VCL: variants seen among roughly 807,000 people sequenced by gnomAD.
VCL encodes vinculin.
A neutral mutation model predicts 125.7 loss-of-function variants in VCL; 47 were observed. The ratio of observed to expected loss-of-function variants is 0.37; its 90% CI spans 0.30 to 0.48. The LOEUF (loss-of-function observed/expected upper bound fraction) is 0.48. Among genes scored for constraint, VCL ranks in the 20% least tolerant of loss-of-function variants. The probability of loss-of-function intolerance (pLI) is 0.99; values close to 1 mark genes in which losing one functional copy is unlikely to be tolerated. For synonymous variants in VCL, 458 were observed against 514.6 expected, an observed-to-expected ratio of 0.89 and a Z score of 1.49; for missense variants, 1,069 against 1,455.5, an observed-to-expected ratio of 0.73 and a Z score of 4.32.
At chr10:74,052,946 AAT>A (rs71021589) in intron 2 of VCL, among the ~76,000 whole-genome samples, 3,154 of 99,768 alleles carry the variant, frequency 0.032, 39 homozygotes, top group Middle Eastern at 0.064. Context: ...GAAAAAAAAA[AAT>A]ATATATATAT....
At chr10:73,999,094 G>A (rs1249762061) in intron 1 of VCL, among the ~76,000 whole-genome samples, 2 of 152,188 alleles carry the variant, frequency 1.3e-5, no homozygotes, top group East Asian at 3.8e-4. Flanking sequence ...GCTCAGCCCT[G>A]CTGCCCTTCC....
At chr10:74,113,954 C>G (rs564017983) in intron 19 of VCL, among the ~76,000 whole-genome samples, 2 of 152,268 alleles carry the variant, frequency 1.3e-5, no homozygotes, top group South Asian at 4.1e-4. Context: ...CCTCCTCTCT[C>G]CTCTCTCTTT....
At chr10:74,045,081 G>A (rs940901146) in intron 2 of VCL, among the ~76,000 whole-genome samples, 1 of 152,042 alleles carries the variant, frequency 6.6e-6, no homozygotes, top group Admixed American at 6.6e-5. Flanking sequence ...TGAAGTGGGA[G>A]GATCACCTGA....
At chr10:74,024,611 CA>C (rs34086598) in intron 1 of VCL, among the ~76,000 whole-genome samples, 83,870 of 141,838 alleles carry the variant, frequency 0.59, 24,492 homozygotes, top group Admixed American at 0.66. Flanking sequence ...CACTCCATCT[CA>C]AAAAAAAAAA....
At chr10:74,021,060 G>A (rs1321323091) in intron 1 of VCL, among the ~76,000 whole-genome samples, 1 of 151,954 alleles carries the variant, frequency 6.6e-6, no homozygotes, top group African/African-American at 2.4e-5. Flanking sequence ...AATAAGTTCC[G>A]TATTTCCCCT....
At chr10:74,066,570 A>G (rs1841574443) in intron 2 of VCL, among the ~76,000 whole-genome samples, 1 of 152,174 alleles carries the variant, frequency 6.6e-6, no homozygotes, top group African/African-American at 2.4e-5. Flanking sequence ...GAAAATCAAG[A>G]AAATAATTAA....
chr10:74,032,293 T>C (rs976554317), intron 1 of VCL, among the ~76,000 whole-genome samples: 1 of 149,590 alleles, frequency 6.7e-6, no homozygotes, highest in African/African-American at 2.5e-5. Flanking sequence ...ATTTTAGTCT[T>C]AAATTGGCCT....
At chr10:74,093,698 C>A (rs149690326) in intron 10 of VCL, among the ~76,000 whole-genome samples, 1,648 of 152,052 alleles carry the variant, frequency 0.011, 11 homozygotes, top group Non-Finnish European at 0.015. Context: ...ACCTGAAAGG[C>A]TGAGGCAGGA....
chr10:74,059,549 C>T (rs1841443504), intron 2 of VCL, among the ~76,000 whole-genome samples: 1 of 152,078 alleles, frequency 6.6e-6, no homozygotes, highest in African/African-American at 2.4e-5. Flanking sequence ...GGATTACAGG[C>T]ATGTGCCACC....
chr10:74,067,696 A>G (rs1472264708), intron 2 of VCL, among the ~76,000 whole-genome samples: 2 of 152,264 alleles, frequency 1.3e-5, no homozygotes, highest in Non-Finnish European at 2.9e-5. Context: ...GATACAGGCT[A>G]CAACTTGGAT....
Position 74,071,115 on chromosome 10 carries a change from T to A in VCL, c.499+32T>A. The A allele has an allele frequency of 1.9e-6, 3 of 1,604,802 alleles. No homozygotes were observed. The highest frequency in any genetic ancestry group is 1.1e-5 in the South Asian group (1 of 90,860). ...TTTATCCAATTTCTATAACATTTTT[T>A]AAGGATTGTCCATGTTGGAGCCAAA... is the stretch of plus-strand genomic sequence containing the variant. On this transcript the variant is annotated intron_variant, in intron 4 of 21. Transcript: ENST00000211998. The surrounding 1 kb of genome is among the most constrained non-coding windows in gnomAD (Gnocchi z 4.1).
At position 74,047,861 on chromosome 10, in the gene VCL, A is replaced by G. The variant is rs191269014; in HGVS notation, c.239+4708A>G. Among the ~76,000 whole-genome samples, 3 of 152,334 alleles carry G rather than the reference A, an allele frequency of 2.0e-5. No homozygotes were observed. The East Asian group carries it at 5.8e-4, about 29-fold the overall frequency. ...TAAAATGATACAATTGTCGATGAGGAACTTCCAGTGCTCAGGCAATTCCTT... is the reference window on the plus strand; with the variant it reads ...TAAAATGATACAATTGTCGATGAGGGACTTCCAGTGCTCAGGCAATTCCTT... On this transcript the variant is annotated intron_variant, in intron 2 of 21. Coordinates refer to ENST00000211998, the MANE Select transcript of VCL (RefSeq NM_014000.3).
chr10:74,034,005 C>G (rs902593895), intron 1 of VCL, among the ~76,000 whole-genome samples: 3 of 152,154 alleles, frequency 2.0e-5, no homozygotes, highest in African/African-American at 7.2e-5. Flanking sequence ...ACTGTAAGCT[C>G]CATGAGATCT....
chr10:74,057,607 A>G (rs1029845585), intron 2 of VCL, among the ~76,000 whole-genome samples: 1 of 152,110 alleles, frequency 6.6e-6, no homozygotes, highest in Non-Finnish European at 1.5e-5. Context: ...AAGGCCATGT[A>G]TGTAGTCACA....
At position 74,105,127 on chromosome 10, in the gene VCL, G is replaced by A. The variant is rs1840111041; in HGVS notation, c.2208G>A (p.Lys736=). 1 of 1,614,224 alleles carries A rather than the reference G, an allele frequency of 6.2e-7. No individual in the cohort carries two copies. Among genetic ancestry groups the A allele is most frequent in the Non-Finnish European group, 8.5e-7 (1 of 1,180,020 alleles). ...SEEAIKKDLD[K]CKVAMANIQP... ...AAGCAATTAAAAAAGACCTGGACAA[G>A]TGCAAGGTAGCTATGGCCAACATTC... Residue 736 remains lysine (K), a synonymous_variant, in exon 16 of 22, where the codon AAG becomes AAA. Transcript: ENST00000211998.
chr10:74,073,587 G>T (rs1375593437), intron 5 of VCL, among the ~76,000 whole-genome samples: 1 of 152,196 alleles, frequency 6.6e-6, no homozygotes, highest in Non-Finnish European at 1.5e-5. Flanking sequence ...GCCCTTTTTA[G>T]TGTGTATTAA....
intron 2 of VCL, among the ~76,000 whole-genome samples, chr10:74,052,948 T>A (rs199777747): frequency 0.037 from 4,455 of 121,188 alleles, 90 homozygotes; most frequent in African/African-American, 0.082. Flanking sequence ...AAAAAAAAAA[T>A]ATATATATAT....
At chr10:74,089,164 G>A (rs971323993) in intron 8 of VCL, 32 bp from the exon 9 acceptor site, 19 of 1,613,500 alleles carry the variant, frequency 1.2e-5, no homozygotes, top group Non-Finnish European at 1.5e-5. Flanking sequence ...ATTTGAGGGT[G>A]TACAATGACA....
At chr10:74,064,588 A>G (rs1194956978) in intron 2 of VCL, among the ~76,000 whole-genome samples, 2 of 151,970 alleles carry the variant, frequency 1.3e-5, no homozygotes, top group African/African-American at 4.8e-5. Context: ...TAAAATTTTT[A>G]GTAGAGATGA....
Sources: gnomAD v4.1 joint callset for allele counts (sites outside exome capture counted in the v4.1 genomes callset) on GRCh38, gnomAD v4.1.1 for gene constraint, Gnocchi (gnomAD v3.1) non-coding constraint, MANE v1.5 for transcripts, NCBI Gene and HGNC (gene_info 2026-07-23, HGNC 2026-07-21) for gene names.